DAPK1: variants seen among roughly 807,000 people sequenced by gnomAD.
DAPK1 encodes the protein death-associated protein kinase 1.
A neutral mutation model predicts 144.9 loss-of-function variants in DAPK1; 56 were observed. The ratio of observed to expected loss-of-function variants is 0.39; its 90% CI spans 0.31 to 0.48. The LOEUF is 0.48. Ranked by LOEUF, DAPK1 falls within the 20% of genes least tolerant of loss-of-function variation. The probability of loss-of-function intolerance (pLI) is 0.95; values close to 1 mark genes in which losing one functional copy is unlikely to be tolerated. For missense variants in DAPK1, 1,454 were observed against 1,875.4 expected, an observed-to-expected ratio of 0.78 and a Z score of 4.15; for synonymous variants, 690 against 749.0, an observed-to-expected ratio of 0.92 and a Z score of 1.29.
chr9:87,651,423 C>G, intron 16 of DAPK1, 104 bp from the exon 17 acceptor site: 1 of 1,112,604 alleles, frequency 9.0e-7, no homozygotes, highest in Admixed American at 1.7e-5. Flanking sequence ...TAGTAGTGAT[C>G]TTGTTGCCAA....
At chr9:87,601,249 C>T (rs1161588903) in intron 2 of DAPK1, among the ~76,000 whole-genome samples, 1 of 152,204 alleles carries the variant, frequency 6.6e-6, no homozygotes, top group African/African-American at 2.4e-5. Context: ...TTGCTGGCTG[C>T]CTGAGGAGAC....
At chr9:87,591,868 G>T (rs1828145980) in intron 2 of DAPK1, among the ~76,000 whole-genome samples, 1 of 152,204 alleles carries the variant, frequency 6.6e-6, no homozygotes. Context: ...TCACCTGGAA[G>T]TCCAGTTGCC....
At chr9:87,565,534 C>T (rs747002017) in intron 2 of DAPK1, among the ~76,000 whole-genome samples, 1 of 152,102 alleles carries the variant, frequency 6.6e-6, no homozygotes, top group African/African-American at 2.4e-5. Context: ...GGCACTAACT[C>T]AGGTTACAGA....
chr9:87,652,205 G>A (rs539963389), intron 17 of DAPK1, among the ~76,000 whole-genome samples: 1 of 130,864 alleles, frequency 7.6e-6, no homozygotes. Context: ...CCATCCCCCC[G>A]ATCCCGGGTC....
intron 24 of DAPK1, 24 bp from the exon 25 acceptor site, chr9:87,702,989 GCTGCAGGTGAGTTAAC>G: frequency 1.0e-6 from 1 of 980,954 alleles, no homozygotes; most frequent in Non-Finnish European, 1.6e-6. Flanking sequence ...GGCACCCACA[GCTGCAGGTGAGTTAAC>G]CTGTCTGGCC....
At chr9:87,630,641 T>G (rs1204105031) in intron 3 of DAPK1, among the ~76,000 whole-genome samples, 2 of 152,190 alleles carry the variant, frequency 1.3e-5, no homozygotes, top group Non-Finnish European at 2.9e-5. Flanking sequence ...GAAGTAGTCC[T>G]GGATTCGAGG....
At chr9:87,606,714 CCTCTCTCT>C (rs1207411320) in intron 3 of DAPK1, among the ~76,000 whole-genome samples, 64 of 109,692 alleles carry the variant, frequency 5.8e-4, no homozygotes, top group African/African-American at 1.7e-3. Flanking sequence ...TTCCTTCCTC[CCTCTCTCT>C]CTCCCTCCCT....
chr9:87,579,290 T>C (rs1456255778), intron 2 of DAPK1, among the ~76,000 whole-genome samples: 2 of 152,172 alleles, frequency 1.3e-5, no homozygotes, highest in Non-Finnish European at 2.9e-5. Context: ...TGATGTTTGA[T>C]TGAAGCGGTG....
chr9:87,630,218 G>C (rs1829626757), intron 3 of DAPK1, among the ~76,000 whole-genome samples: 1 of 152,124 alleles, frequency 6.6e-6, no homozygotes, highest in South Asian at 2.1e-4. Context: ...TTGTTACATG[G>C]CAATAGATAA....
rs185219645 is a variant in DAPK1 at position 87,548,460 on chromosome 9, C to G, written c.62+49321C>G. Among the ~76,000 whole-genome samples, 10 of 152,214 alleles carry G rather than the reference C, an allele frequency of 6.6e-5. No homozygotes were observed. The East Asian group carries it at 1.3e-3, about 21-fold the overall frequency. On this transcript the variant is annotated intron_variant, in intron 2 of 25. Transcript: ENST00000408954. ...CATTTCTCCTGTTCCTGGGTCTGTT[C>G]TCTTGCAACATATAAGTTTGGTAAG...
chr9:87,689,440 G>A (rs1013115408), intron 21 of DAPK1, among the ~76,000 whole-genome samples: 1 of 152,030 alleles, frequency 6.6e-6, no homozygotes, highest in Non-Finnish European at 1.5e-5. Context: ...TAAATAGTTT[G>A]CAAAATATCT....
intron 20 of DAPK1, among the ~76,000 whole-genome samples, chr9:87,684,708 A>G (rs1034866060): frequency 1.3e-5 from 2 of 151,996 alleles, no homozygotes; most frequent in Non-Finnish European, 2.9e-5. Flanking sequence ...TCCCGCGGAG[A>G]GGAGCCTGCG....
chr9:87,626,557 C>A (rs1454433068), intron 3 of DAPK1, among the ~76,000 whole-genome samples: 1 of 152,148 alleles, frequency 6.6e-6, no homozygotes, highest in African/African-American at 2.4e-5. Context: ...TCACCTTGAC[C>A]CAGAAATTCC....
chr9:87,678,587 C>A (rs1254222452), intron 19 of DAPK1, among the ~76,000 whole-genome samples: 2 of 152,186 alleles, frequency 1.3e-5, no homozygotes, highest in Admixed American at 6.5e-5. Flanking sequence ...TAGCAGCATT[C>A]GTGGATAACT....
intron 3 of DAPK1, among the ~76,000 whole-genome samples, chr9:87,625,314 A>G (rs1829455272): frequency 6.6e-6 from 1 of 152,256 alleles, no homozygotes; most frequent in Non-Finnish European, 1.5e-5. Flanking sequence ...TGCCTTGGAC[A>G]CTGTAAGTCT....
At chr9:87,683,141 G>A (rs1324488576) in intron 20 of DAPK1, among the ~76,000 whole-genome samples, 1 of 150,666 alleles carries the variant, frequency 6.6e-6, no homozygotes, top group African/African-American at 2.4e-5. Context: ...GGAGTGCAGT[G>A]GTGTGATCTC....
intron 2 of DAPK1, among the ~76,000 whole-genome samples, chr9:87,569,245 T>G (rs2118728759): frequency 6.6e-6 from 1 of 152,252 alleles, no homozygotes; most frequent in East Asian, 1.9e-4. Flanking sequence ...GGTTGAGAAT[T>G]ACTACTCCAG....
At chr9:87,650,715 T>C (rs891882075) in intron 16 of DAPK1, among the ~76,000 whole-genome samples, 1 of 152,180 alleles carries the variant, frequency 6.6e-6, no homozygotes, top group African/African-American at 2.4e-5. Flanking sequence ...GCAATGGTTC[T>C]GGGTCGGGGG....
At chr9:87,541,716 T>C (rs12341924) in intron 2 of DAPK1, among the ~76,000 whole-genome samples, 3,969 of 152,254 alleles carry the variant, frequency 0.026, 176 homozygotes, top group African/African-American at 0.089. Flanking sequence ...AGACAACAAT[T>C]AAGAAGAGGT....
Sources: gnomAD v4.1 joint callset for allele counts (sites outside exome capture counted in the v4.1 genomes callset) on GRCh38, gnomAD v4.1.1 for gene constraint, MANE v1.5 for transcripts, NCBI Gene and HGNC (gene_info 2026-07-23, HGNC 2026-07-21) for gene names.